Variants in EFNA5 observed in about 807,000 individuals in gnomAD.
The protein encoded by EFNA5 is ephrin A5.
EFNA5 carries 5 observed loss-of-function variants against 22.9 expected under a neutral mutation model. The ratio of observed to expected loss-of-function variants is 0.22; its 90% CI spans 0.11 to 0.46. The LOEUF (loss-of-function observed/expected upper bound fraction) is 0.46, where lower values mean the gene tolerates loss of function less well. Among genes scored for constraint, EFNA5 ranks in the 20% least tolerant of loss-of-function variants. The probability of loss-of-function intolerance (pLI) is 0.99; values close to 1 mark genes in which losing one functional copy is unlikely to be tolerated. For synonymous variants in EFNA5, 113 were observed against 112.2 expected, an observed-to-expected ratio of 1.01 and a Z score of -0.04; for missense variants, 237 against 293.3, an observed-to-expected ratio of 0.81 and a Z score of 1.40.
chr5:107,380,091 T>G lies in EFNA5; in HGVS notation c.*1164A>C, dbSNP rs761019909. 6.6e-6 allele frequency: 1 copy of G among 151,968 alleles called. No individual in the cohort carries two copies. Among genetic ancestry groups the G allele is most frequent in the Non-Finnish European group, 1.5e-5 (1 of 68,000 alleles). 9.4% of individuals were successfully genotyped at this position (151,968 alleles called of 1,614,324 possible). A position where few individuals can be genotyped will look rare whatever the true frequency, so the allele number is the denominator to read the frequency against. ...ATTTCCCTTTAGCCCTCCCAAGTAG[T>G]GCTGACTGACTCTCCTGGTGACAGG... On this transcript the variant is annotated 3_prime_UTR_variant, in exon 5 of 5. Transcript: ENST00000333274.
chr5:107,580,835 T>A (rs1399273557), intron 1 of EFNA5, among the ~76,000 whole-genome samples: 2 of 152,144 alleles, frequency 1.3e-5, no homozygotes, highest in East Asian at 3.8e-4. Flanking sequence ...ATTAGCTGTG[T>A]CCACACAAAA....
intron 1 of EFNA5, among the ~76,000 whole-genome samples, chr5:107,558,152 A>G (rs1748464317): frequency 6.6e-6 from 1 of 152,172 alleles, no homozygotes; most frequent in South Asian, 2.1e-4. Context: ...AGCCCCAAAG[A>G]GATTACAAGA....
chr5:107,535,596 T>A (rs571642775), intron 1 of EFNA5, among the ~76,000 whole-genome samples: 4 of 152,130 alleles, frequency 2.6e-5, no homozygotes, highest in African/African-American at 9.7e-5. Flanking sequence ...AGAAACTATA[T>A]ATTCTTAAAT....
At chr5:107,638,983 A>C (rs1465586869) in intron 1 of EFNA5, among the ~76,000 whole-genome samples, 3 of 152,250 alleles carry the variant, frequency 2.0e-5, no homozygotes, top group Non-Finnish European at 4.4e-5. Flanking sequence ...AATGGATTTA[A>C]TAAAATAGAA....
At chr5:107,659,000 C>T (rs899397865) in intron 1 of EFNA5, among the ~76,000 whole-genome samples, 3 of 152,082 alleles carry the variant, frequency 2.0e-5, no homozygotes, top group Non-Finnish European at 2.9e-5. Flanking sequence ...TACATGTGCA[C>T]ATTTATGGTA....
intron 1 of EFNA5, among the ~76,000 whole-genome samples, chr5:107,468,048 A>G (rs1580471675): frequency 6.6e-6 from 1 of 152,180 alleles, no homozygotes; most frequent in Non-Finnish European, 1.5e-5. Context: ...TTAATGCTCA[A>G]TATCACTGAC....
At chr5:107,507,029 T>C (rs1322793593) in intron 1 of EFNA5, among the ~76,000 whole-genome samples, 1 of 152,172 alleles carries the variant, frequency 6.6e-6, no homozygotes, top group African/African-American at 2.4e-5. Context: ...GAATATGGAT[T>C]AGAGAAGTAA....
chr5:107,658,829 T>C (rs535181685), intron 1 of EFNA5, among the ~76,000 whole-genome samples: 1 of 152,296 alleles, frequency 6.6e-6, no homozygotes, highest in Non-Finnish European at 1.5e-5. Flanking sequence ...CAGGTCTGTG[T>C]TCACCTTACA....
At chr5:107,445,818 G>A (rs1749373785) in intron 1 of EFNA5, among the ~76,000 whole-genome samples, 1 of 152,198 alleles carries the variant, frequency 6.6e-6, no homozygotes, top group Non-Finnish European at 1.5e-5. Flanking sequence ...TGTGGCACCT[G>A]GCTTTTTCAG....
At chr5:107,606,353 T>C (rs763828648) in intron 1 of EFNA5, among the ~76,000 whole-genome samples, 12 of 152,200 alleles carry the variant, frequency 7.9e-5, no homozygotes, top group Non-Finnish European at 1.3e-4. Flanking sequence ...CCTCAACTTT[T>C]AAAATAGCTT....
At chr5:107,605,079 G>T (rs184579648) in intron 1 of EFNA5, among the ~76,000 whole-genome samples, 2 of 151,646 alleles carry the variant, frequency 1.3e-5, no homozygotes, top group Admixed American at 6.6e-5. Context: ...AAGGGCCAGT[G>T]GTTCCACTGG....
intron 1 of EFNA5, among the ~76,000 whole-genome samples, chr5:107,566,381 G>A (rs1748668103): frequency 6.6e-6 from 1 of 152,128 alleles, no homozygotes; most frequent in Non-Finnish European, 1.5e-5. Context: ...AACTAGCTTG[G>A]ACTCTATCGA....
chr5:107,512,604 G>A lies in EFNA5; in HGVS notation c.126-85095C>T, dbSNP rs535769310. 3.3e-5 allele frequency among the ~76,000 whole-genome samples: 5 copies of A among 152,102 alleles called. 1 individual carries two copies. The South Asian group carries it at 1.0e-3, about 32-fold the overall frequency. The stretch of plus-strand genomic sequence containing the variant: ...ATTATTGCCATTAAAATAGAGCAAT[G>A]AGATAAAGTTTTGCCAGAGCCAAAC... On this transcript the variant is annotated intron_variant, in intron 1 of 4. Coordinates refer to ENST00000333274, the MANE Select transcript of EFNA5 (RefSeq NM_001962.3).
intron 1 of EFNA5, among the ~76,000 whole-genome samples, chr5:107,428,199 CTT>C (rs1437776905): frequency 6.6e-6 from 1 of 152,184 alleles, no homozygotes; most frequent in African/African-American, 2.4e-5. Context: ...ACGTCAGAAA[CTT>C]ATTTTAGTGC....
At chr5:107,382,178 G>A (rs532673177) in intron 4 of EFNA5, among the ~76,000 whole-genome samples, 46 of 152,122 alleles carry the variant, frequency 3.0e-4, no homozygotes, top group Non-Finnish European at 5.3e-4. Context: ...GTTCTATGAG[G>A]CTGCCTCTGA....
At chr5:107,572,588 T>C (rs916464605) in intron 1 of EFNA5, among the ~76,000 whole-genome samples, 3 of 152,222 alleles carry the variant, frequency 2.0e-5, no homozygotes, top group African/African-American at 7.2e-5. Flanking sequence ...AAGTTAGAGT[T>C]TACTATAACG....
At chr5:107,537,273 C>T (rs1747949024) in intron 1 of EFNA5, among the ~76,000 whole-genome samples, 1 of 151,742 alleles carries the variant, frequency 6.6e-6, no homozygotes, top group African/African-American at 2.4e-5. Context: ...GTGGGTGGAT[C>T]ACTTGAGGTC....
At chr5:107,635,917 A>G (rs1229136194) in intron 1 of EFNA5, among the ~76,000 whole-genome samples, 1 of 152,238 alleles carries the variant, frequency 6.6e-6, no homozygotes, top group African/African-American at 2.4e-5. Context: ...CTTCTCAGGG[A>G]CAGTTAAACC....
At chr5:107,478,045 G>C (rs1280580510) in intron 1 of EFNA5, among the ~76,000 whole-genome samples, 1 of 152,004 alleles carries the variant, frequency 6.6e-6, no homozygotes, top group Non-Finnish European at 1.5e-5. Context: ...GAAAAAGCCT[G>C]ACCAAAAACC....
Sources: allele counts gnomAD v4.1 joint callset (sites outside exome capture counted in the v4.1 genomes callset), GRCh38; gene constraint gnomAD v4.1.1; transcripts MANE v1.5; gene names NCBI Gene and HGNC (gene_info 2026-07-23, HGNC 2026-07-21).